PCDHGA1: variants seen among roughly 807,000 people sequenced by gnomAD.
The protein encoded by PCDHGA1 is protocadherin gamma subfamily A, 1, also known as protocadherin gamma-A1.
Under a neutral mutation model 58.0 loss-of-function variants are expected in PCDHGA1, and 32 were observed. The ratio of observed to expected loss-of-function variants is 0.55; its 90% CI spans 0.42 to 0.74. The LOEUF is 0.74. PCDHGA1 is among the 30% of genes least tolerant of loss of function. PCDHGA1 has a pLI of 0.00. For missense variants in PCDHGA1, 1,205 were observed against 1,182.3 expected (o/e 1.02, Z -0.28); for synonymous variants, 498 against 501.1 (o/e 0.99, Z 0.08).
At chr5:141,483,640 G>T (rs1406049976) in intron 1 of PCDHGA1, among the ~76,000 whole-genome samples, 3 of 144,232 alleles carry the variant, frequency 2.1e-5, no homozygotes, top group Non-Finnish European at 4.5e-5. Flanking sequence ...GTATAGAGGG[G>T]TGTGTGTTTG....
chr5:141,414,767 AGCTACAGAT>A, intron 1 of PCDHGA1: 2 of 1,614,190 alleles, frequency 1.2e-6, no homozygotes, highest in Middle Eastern at 1.6e-4. Flanking sequence ...CAGTTTCATG[AGCTACAGAT>A]GCAGGTGACA....
Position 141,332,241 on chromosome 5 carries a change from C to T in PCDHGA1, c.1557C>T (p.Ser519=), listed in dbSNP as rs1756396797. 5 of 1,614,246 alleles carry T rather than the reference C, an allele frequency of 3.1e-6. No individual in the cohort carries two copies. The highest frequency in any genetic ancestry group is 3.4e-6 in the Non-Finnish European group (4 of 1,180,048). ...SDTGVLYALR[S]FDYEQFRDMQ... ...CTGGGGTCCTGTATGCGCTGCGATC[C>T]TTCGACTATGAGCAGTTCCGGGACA... is the stretch of plus-strand genomic sequence containing the variant. Residue 519 remains serine (S), a synonymous_variant, in exon 1 of 4, where the codon TCC becomes TCT. Coordinates refer to ENST00000517417, the MANE Select transcript of PCDHGA1 (RefSeq NM_018912.3). The surrounding 1 kb of genome is among the most constrained non-coding windows in gnomAD (Gnocchi z 4.6).
chr5:141,371,011 C>G, intron 1 of PCDHGA1: 4 of 1,613,966 alleles, frequency 2.5e-6, no homozygotes, highest in Non-Finnish European at 3.4e-6. Context: ...GAAGAGCAGC[C>G]ACATCACCAC....
intron 1 of PCDHGA1, chr5:141,360,069 G>A (rs1761407187): frequency 6.8e-7 from 1 of 1,469,142 alleles, no homozygotes; most frequent in Non-Finnish European, 9.0e-7. Flanking sequence ...AGTGACCTTA[G>A]CCCGGATTCT....
chr5:141,436,781 A>C (rs1041532929), intron 1 of PCDHGA1, among the ~76,000 whole-genome samples: 1 of 152,236 alleles, frequency 6.6e-6, no homozygotes, highest in Admixed American at 6.5e-5. Flanking sequence ...TGTGGATGGA[A>C]ATAAAACTGT....
At chr5:141,411,951 G>A (rs1589812278) in intron 1 of PCDHGA1, 1 of 152,252 alleles carries the variant, frequency 6.6e-6, no homozygotes, top group African/African-American at 2.4e-5. Context: ...GATTTTTGAA[G>A]AAAAAAGATA....
Position 141,477,649 on chromosome 5 carries a change from A to G in PCDHGA1, c.2422-17158A>G, listed in dbSNP as rs2099415032. 3.7e-6 allele frequency: 6 copies of G among 1,614,076 alleles called. No individual in the cohort carries two copies. Among genetic ancestry groups the G allele is most frequent in the Non-Finnish European group, 5.1e-6 (6 of 1,180,048 alleles). ...CCGGGCTAGTGGGTCGCTATTTCAC[A>G]ATAAATCGTGACAATGGCATAGTGT... On this transcript the variant is annotated intron_variant, in intron 1 of 3. Transcript: ENST00000517417. The surrounding 1 kb of genome is among the most constrained non-coding windows in gnomAD (Gnocchi z 4.9).
Position 141,466,657 on chromosome 5 carries a change from C to T in PCDHGA1, c.2422-28150C>T, listed in dbSNP as rs143657719. Among the ~76,000 whole-genome samples the T allele has an allele frequency of 1.4e-3, 211 of 152,280 alleles. 1 individual carries two copies. The highest frequency in any genetic ancestry group is 4.7e-3 in the African/African-American group (197 of 41,542). On this transcript the variant is annotated intron_variant, in intron 1 of 3. Transcript: ENST00000517417. ...TCTCCATAAACTTTTCACAAAACAT[C>T]AGTGATTTCACCGTTCTTCCACTCA...
At chr5:141,341,724 A>C in intron 1 of PCDHGA1, 10 of 441,008 alleles carry the variant, frequency 2.3e-5, no homozygotes, top group South Asian at 9.6e-5. Flanking sequence ...CAGATCAACA[A>C]TTTTTTCTTT....
chr5:141,364,417 G>T, intron 1 of PCDHGA1: 1 of 1,613,362 alleles, frequency 6.2e-7, no homozygotes, highest in Non-Finnish European at 8.5e-7. Flanking sequence ...CAGGATCCGG[G>T]CAGATCCGCT....
In PCDHGA1 at chr5:141,426,319, C is replaced by A. The variant is rs572457971; in HGVS notation, c.2422-68488C>A. On this transcript the variant is annotated intron_variant, in intron 1 of 3. Coordinates refer to ENST00000517417, the MANE Select transcript of PCDHGA1 (RefSeq NM_018912.3). ...CAGGGTGAAGCAGAGAAGCAGGACC[C>A]GGCAGTGGCAAGCACTCTTCCCTTT... 9 of 175,482 alleles carry A rather than the reference C, an allele frequency of 5.1e-5. No homozygotes were observed. In the East Asian group the frequency reaches 6.8e-4, roughly 13 times the overall value. The allele number at this position is 175,482 out of a possible 1,614,324, so 10.9% of individuals were successfully genotyped here.
At chr5:141,353,506 C>A (rs1166159265) in intron 1 of PCDHGA1, among the ~76,000 whole-genome samples, 1 of 152,180 alleles carries the variant, frequency 6.6e-6, no homozygotes, top group Non-Finnish European at 1.5e-5. Context: ...TCACAAGTAG[C>A]AAATATTGTC....
At chr5:141,376,845 C>A (rs993126177) in intron 1 of PCDHGA1, 21 of 242,440 alleles carry the variant, frequency 8.7e-5, no homozygotes, top group Admixed American at 3.1e-4. Context: ...CGCCACCGCG[C>A]CCGGCTAATT....
chr5:141,505,317 G>A, intron 2 of PCDHGA1, 76 bp from the exon 3 acceptor site: 1 of 1,603,092 alleles, frequency 6.2e-7, no homozygotes, highest in Non-Finnish European at 8.5e-7. Flanking sequence ...AGGTTTGGGA[G>A]CCCTGGGAGA....
intron 1 of PCDHGA1, chr5:141,343,946 A>G: frequency 2.3e-6 from 3 of 1,284,242 alleles, no homozygotes; most frequent in African/African-American, 1.5e-5. Context: ...TAGGCCCGTA[A>G]AAGACTTCGT....
At chr5:141,437,832 G>A (rs929534984) in intron 1 of PCDHGA1, among the ~76,000 whole-genome samples, 2 of 151,794 alleles carry the variant, frequency 1.3e-5, no homozygotes, top group Admixed American at 1.3e-4. Context: ...CTGCCTCCTG[G>A]GTTCATGCTA....
At chr5:141,361,473 C>A (rs374176708) in intron 1 of PCDHGA1, 3 of 1,613,906 alleles carry the variant, frequency 1.9e-6, no homozygotes, top group Middle Eastern at 1.6e-4. Flanking sequence ...CCGACGTCAA[C>A]GATAATGCCC....
At chr5:141,410,029 G>T (rs2095350230) in intron 1 of PCDHGA1, 15 of 1,613,274 alleles carry the variant, frequency 9.3e-6, no homozygotes, top group Non-Finnish European at 1.3e-5. Context: ...ACCACGTGCT[G>T]CAGGCCAGTG....
chr5:141,364,623 AGAGCCCACT>A, intron 1 of PCDHGA1: 1 of 1,614,178 alleles, frequency 6.2e-7, no homozygotes, highest in Non-Finnish European at 8.5e-7. Flanking sequence ...CTCTGCGCTC[AGAGCCCACT>A]GTGTGTGGTG....
Sources: gnomAD v4.1 joint callset for allele counts (sites outside exome capture counted in the v4.1 genomes callset) on GRCh38, gnomAD v4.1.1 for gene constraint, Gnocchi (gnomAD v3.1) non-coding constraint, MANE v1.5 for transcripts, NCBI Gene and HGNC (gene_info 2026-07-23, HGNC 2026-07-21) for gene names.